Variants in SMG1 observed in about 807,000 individuals in gnomAD.
SMG1 encodes serine/threonine-protein kinase SMG1.
Under a neutral mutation model 419.9 loss-of-function variants are expected in SMG1, and 22 were observed. The observed-to-expected ratio is 0.05, with a 90% confidence interval of 0.04 to 0.07. The LOEUF (loss-of-function observed/expected upper bound fraction) is 0.07, where lower values mean the gene tolerates loss of function less well. Among genes scored for constraint, SMG1 ranks in the 10% least tolerant of loss-of-function variants. SMG1 has a pLI of 1.00. For synonymous variants in SMG1, 1,538 were observed against 1,553.5 expected (o/e 0.99, Z 0.23); for missense variants, 3,185 against 4,342.0 (o/e 0.73, Z 7.49).
intron 6 of SMG1, among the ~76,000 whole-genome samples, chr16:18,886,182 ACTTTT>A (rs1389168096): frequency 6.6e-6 from 1 of 151,812 alleles, no homozygotes; most frequent in African/African-American, 2.4e-5. Flanking sequence ...GATTTGGGAA[ACTTTT>A]CTATAAAGTA....
chr16:18,924,922 C>T (rs1357840832), intron 1 of SMG1: 2 of 152,138 alleles, frequency 1.3e-5, no homozygotes, highest in Non-Finnish European at 2.9e-5. Context: ...AAAAGGGCTT[C>T]CCAACAACTT....
chr16:18,814,476 G>A (rs1039169447), intron 60 of SMG1, among the ~76,000 whole-genome samples: 4 of 151,948 alleles, frequency 2.6e-5, no homozygotes, highest in African/African-American at 7.3e-5. Flanking sequence ...TCCAGCCTGG[G>A]CGACAAGAGA....
chr16:18,908,949 T>C (rs2037688966), intron 1 of SMG1, among the ~76,000 whole-genome samples: 2 of 152,124 alleles, frequency 1.3e-5, no homozygotes, highest in African/African-American at 4.8e-5. Flanking sequence ...ACTGTAGTTA[T>C]TCTGATAAAG....
chr16:18,896,755 C>T (rs2037145205), intron 2 of SMG1, 38 bp downstream of exon 2: 1 of 1,530,754 alleles, frequency 6.5e-7, no homozygotes, highest in African/African-American at 1.4e-5. Flanking sequence ...CAGGTAGGTT[C>T]AAAAAACATG....
chr16:18,854,167 G>C lies in SMG1; in HGVS notation c.4484-300C>G, dbSNP rs1395932834. 6.5e-5 allele frequency among the ~76,000 whole-genome samples: 9 copies of C among 138,030 alleles called. No individual in the cohort carries two copies. In the East Asian group the frequency reaches 1.9e-3, roughly 29 times the overall value. The allele number at this position is 138,030 out of a possible 152,430, so 90.6% of individuals were successfully genotyped here. A position where few individuals can be genotyped will look rare whatever the true frequency, so the allele number is the denominator to read the frequency against. ...AGTAGCACAATCAGGGCTCACTGTA[G>C]CCTCAACTTCCCAGGCTCAAGCAAT... On this transcript the variant is annotated intron_variant, in intron 30 of 62. Coordinates refer to ENST00000446231, the MANE Select transcript of SMG1 (RefSeq NM_015092.5).
intron 1 of SMG1, among the ~76,000 whole-genome samples, chr16:18,897,895 T>C (rs141942235): frequency 1.3e-5 from 2 of 151,552 alleles, no homozygotes; most frequent in East Asian, 1.9e-4. Flanking sequence ...AGGAACAACT[T>C]TGAGAAAAAA....
intron 1 of SMG1, among the ~76,000 whole-genome samples, chr16:18,915,115 G>A (rs920867989): frequency 2.0e-5 from 3 of 151,874 alleles, no homozygotes; most frequent in Non-Finnish European, 4.4e-5. Flanking sequence ...GGGACTACAG[G>A]TGTGTGCCAC....
intron 23 of SMG1, 39 bp from the exon 24 acceptor site, chr16:18,864,183 CTTACTTTTTT>C: frequency 1.4e-6 from 1 of 730,822 alleles, no homozygotes; most frequent in Non-Finnish European, 1.9e-6. Flanking sequence ...TATTTATCTA[CTTACTTTTTT>C]TTTTTTTTTT....
Position 18,805,280 on chromosome 16 carries a change from A to G in SMG1, c.*4289T>C, listed in dbSNP as rs1325729330. The G allele has an allele frequency of 1.3e-5, 2 of 152,250 alleles. No individual in the cohort carries two copies. The highest frequency in any genetic ancestry group is 2.9e-5 in the Non-Finnish European group (2 of 68,050). 9.4% of individuals were successfully genotyped at this position (152,250 alleles called of 1,614,324 possible). A position where few individuals can be genotyped will look rare whatever the true frequency, so the allele number is the denominator to read the frequency against. On this transcript the variant is annotated 3_prime_UTR_variant, in exon 63 of 63. Coordinates refer to ENST00000446231, the MANE Select transcript of SMG1 (RefSeq NM_015092.5). ...TGAAACTTTGTCAAAAAAAGAAAAA[A>G]CTATTAGCCTGTTTTCAAAGAAAAA...
intron 1 of SMG1, chr16:18,925,714 G>C (rs2038369771): frequency 3.3e-6 from 1 of 301,402 alleles, no homozygotes; most frequent in African/African-American, 2.3e-5. Flanking sequence ...GCCACCGCCG[G>C]GAGCCCCGGG....
chr16:18,812,106 T>A lies in SMG1; in HGVS notation c.10643A>T (p.Gln3548Leu). Residue 3548 changes from glutamine to leucine, a missense_variant, in exon 61 of 63, where the codon CAG becomes CTG. Gln to Leu is a moderately radical substitution (Grantham distance 113). Transcript: ENST00000446231. The stretch of plus-strand genomic sequence containing the variant: ...TGACATGACATCAGGCTGAGTCTTC[T>A]GGCCAGTGTTACTCCGGACTGCTAC... ...FAAAVRSNTG[Q>L]KTQPDVMSQN... 6.2e-7 allele frequency: 1 copy of A among 1,613,324 alleles called. No homozygotes were observed. Among genetic ancestry groups the A allele is most frequent in the Non-Finnish European group, 8.5e-7 (1 of 1,179,538 alleles).
intron 11 of SMG1, chr16:18,878,251 T>C (rs372009624): frequency 6.7e-6 from 1 of 149,380 alleles, no homozygotes; most frequent in East Asian, 2.0e-4. Flanking sequence ...AAAATACAAT[T>C]GCACCACTGC....
chr16:18,827,714 TA>T (rs1164266006), intron 55 of SMG1, among the ~76,000 whole-genome samples: 2 of 144,918 alleles, frequency 1.4e-5, no homozygotes, highest in Non-Finnish European at 3.0e-5. Flanking sequence ...TTTATATATA[TA>T]TTTGGTATAA....
At chr16:18,848,541 AATG>A (rs2034398531) in intron 36 of SMG1, among the ~76,000 whole-genome samples, 1 of 151,884 alleles carries the variant, frequency 6.6e-6, no homozygotes, top group African/African-American at 2.4e-5. Context: ...CCTGGCCTCA[AATG>A]ATCCACCCTC....
At chr16:18,832,586 A>G (rs113897027) in intron 51 of SMG1, among the ~76,000 whole-genome samples, 56,798 of 143,402 alleles carry the variant, frequency 0.4, 11,445 homozygotes, top group Middle Eastern at 0.5. Flanking sequence ...ACACTTGCAC[A>G]CACACACACA....
intron 22 of SMG1, among the ~76,000 whole-genome samples, chr16:18,867,964 T>G (rs1224394378): frequency 6.6e-6 from 1 of 152,116 alleles, no homozygotes. Context: ...CACCTCTGCC[T>G]CCCAAAGTGC....
chr16:18,860,199 C>T (rs1193068784), intron 26 of SMG1, among the ~76,000 whole-genome samples: 1 of 152,206 alleles, frequency 6.6e-6, no homozygotes, highest in African/African-American at 2.4e-5. Context: ...GCCTGGGCAA[C>T]AGAGTGAAAC....
At chr16:18,832,764 T>A (rs1404185375) in intron 51 of SMG1, among the ~76,000 whole-genome samples, 176 bp downstream of exon 51, 1 of 151,934 alleles carries the variant, frequency 6.6e-6, no homozygotes, top group Admixed American at 6.6e-5. Context: ...CAACTTCTCG[T>A]GATGTATAAT....
At chr16:18,873,737 T>C (rs1438827075) in intron 13 of SMG1, among the ~76,000 whole-genome samples, 1 of 152,210 alleles carries the variant, frequency 6.6e-6, no homozygotes, top group Non-Finnish European at 1.5e-5. Context: ...CAATTTTCCA[T>C]ATACTGCAAA....
Sources: gnomAD v4.1 joint callset for allele counts (sites outside exome capture counted in the v4.1 genomes callset) on GRCh38, gnomAD v4.1.1 for gene constraint, MANE v1.5 for transcripts, NCBI Gene and HGNC (gene_info 2026-07-23, HGNC 2026-07-21) for gene names.